Variants in LRRFIP1 observed in about 807,000 individuals in gnomAD.
LRRFIP1 encodes the protein leucine-rich repeat flightless-interacting protein 1.
Under a neutral mutation model 104.4 loss-of-function variants are expected in LRRFIP1, and 62 were observed. That is an observed-to-expected ratio of 0.59 (90% CI 0.48 to 0.73). LRRFIP1 has a LOEUF of 0.73. Among genes scored for constraint, LRRFIP1 ranks in the 30% least tolerant of loss-of-function variants. The probability of loss-of-function intolerance (pLI) is 0.00; values close to 1 mark genes in which losing one functional copy is unlikely to be tolerated. For missense variants in LRRFIP1, 796 were observed against 824.5 expected, an observed-to-expected ratio of 0.97 and a Z score of 0.42; for synonymous variants, 300 against 299.0, an observed-to-expected ratio of 1.00 and a Z score of -0.03.
intron 7 of LRRFIP1, among the ~76,000 whole-genome samples, chr2:237,725,104 C>G (rs1463525651): frequency 6.6e-6 from 1 of 152,216 alleles, no homozygotes; most frequent in African/African-American, 2.4e-5. Context: ...ACCCTTGTAT[C>G]TTATTTATCC....
At position 237,711,398 on chromosome 2, in the gene LRRFIP1, C is replaced by T. The variant is rs895604147; in HGVS notation, c.183+2768C>T. ...AAGATATCTCGCCCTGTTGCAAATT[C>T]GGCGGAACATCCGCCACTGAGAGCG... On this transcript the variant is annotated intron_variant, in intron 2 of 23. Transcript: ENST00000308482. The surrounding 1 kb of genome is among the most constrained non-coding windows in gnomAD (Gnocchi z 4.4). 4.6e-5 allele frequency among the ~76,000 whole-genome samples: 7 copies of T among 152,234 alleles called. No homozygotes were observed. Among genetic ancestry groups the T allele is most frequent in the African/African-American group, 7.2e-5 (3 of 41,452 alleles).
In LRRFIP1 at chr2:237,672,368, G is replaced by A. The variant is rs560585403; in HGVS notation, c.97-36176G>A. Among the ~76,000 whole-genome samples, 8 of 152,242 alleles carry A rather than the reference G, an allele frequency of 5.3e-5. 1 individual carries two copies. The highest frequency in any genetic ancestry group is 1.9e-4 in the East Asian group (1 of 5,184). On this transcript the variant is annotated intron_variant, in intron 1 of 23. Transcript: ENST00000308482. ...ACAATCACTTTAGAGAGTGAGGATC[G>A]ATGCCCCAGCTTCTTGTTTTCTTAG...
intron 1 of LRRFIP1, among the ~76,000 whole-genome samples, chr2:237,681,420 A>T (rs1433338832): frequency 1.3e-5 from 2 of 151,212 alleles, no homozygotes; most frequent in African/African-American, 2.4e-5. Context: ...AGGCTGGAGT[A>T]CAGTGGTGTG....
At chr2:237,747,254 T>A (rs1180564014) in intron 11 of LRRFIP1, among the ~76,000 whole-genome samples, 1 of 152,208 alleles carries the variant, frequency 6.6e-6, no homozygotes, top group African/African-American at 2.4e-5. Flanking sequence ...AACTCCTGGT[T>A]ATGTTGTTTT....
chr2:237,736,281 A>T lies in LRRFIP1; in HGVS notation c.555+948A>T, dbSNP rs180824411. ...TTTGTCGACAACTGATTACACATTTATCAACTTTTATATTACATAAGTTGT... is the reference window on the plus strand; with the variant it reads ...TTTGTCGACAACTGATTACACATTTTTCAACTTTTATATTACATAAGTTGT... On this transcript the variant is annotated intron_variant, in intron 10 of 23. Transcript: ENST00000308482. Among the ~76,000 whole-genome samples the T allele has an allele frequency of 1.4e-4, 21 of 152,360 alleles. No homozygotes were observed. In the East Asian group the frequency reaches 3.9e-3, roughly 28 times the overall value.
At chr2:237,743,562 C>T (rs1230185068) in intron 11 of LRRFIP1, among the ~76,000 whole-genome samples, 1 of 152,150 alleles carries the variant, frequency 6.6e-6, no homozygotes, top group Non-Finnish European at 1.5e-5. Context: ...TTCTTCCTCT[C>T]CAGCACGACC....
At chr2:237,646,037 C>T (rs1385997065) in intron 1 of LRRFIP1, among the ~76,000 whole-genome samples, 3 of 151,854 alleles carry the variant, frequency 2.0e-5, no homozygotes, top group East Asian at 1.9e-4. Context: ...CAACAGAGCC[C>T]GTGGTAGCAG....
chr2:237,760,071 G>T lies in LRRFIP1; in HGVS notation c.1325G>T (p.Gly442Val). ...GCCTATTTTTGTTCCCAGAAACATG[G>T]AATAATCCTAAATTCAGAAATAGCT... ...VMLKEELKKH[G>V]IILNSEIATN... The change falls in exon 19 of 24, where the codon GGA (glycine) becomes GTA (valine). Residue 442 changes from glycine (G) to valine (V), a missense_variant. Transcript: ENST00000308482. 6.2e-7 allele frequency: 1 copy of T among 1,613,532 alleles called. No homozygotes were observed. The highest frequency in any genetic ancestry group is 8.5e-7 in the Non-Finnish European group (1 of 1,179,532).
At chr2:237,629,850 C>T (rs2082102677) in intron 1 of LRRFIP1, among the ~76,000 whole-genome samples, 1 of 152,172 alleles carries the variant, frequency 6.6e-6, no homozygotes, top group African/African-American at 2.4e-5. Context: ...GAGGTCCTCC[C>T]TCCCACCGAG....
At chr2:237,708,747 T>TCAGAGTG in intron 2 of LRRFIP1, 117 bp downstream of exon 2, 4 of 1,174,368 alleles carry the variant, frequency 3.4e-6, no homozygotes, top group Non-Finnish European at 5.0e-6. Flanking sequence ...TTGCTCACGG[T>TCAGAGTG]CAGAGTGCGT....
intron 13 of LRRFIP1, among the ~76,000 whole-genome samples, chr2:237,749,934 A>G (rs553757999): frequency 3.9e-5 from 6 of 152,326 alleles, no homozygotes; most frequent in African/African-American, 1.2e-4. Context: ...TAAAGTAACT[A>G]GGGACAGTGC....
chr2:237,777,753 C>T (rs2061212224), intron 23 of LRRFIP1, among the ~76,000 whole-genome samples: 1 of 152,130 alleles, frequency 6.6e-6, no homozygotes, highest in Non-Finnish European at 1.5e-5. Context: ...AAATATTCAA[C>T]CATTAACTCC....
intron 23 of LRRFIP1, among the ~76,000 whole-genome samples, chr2:237,776,018 G>T (rs1421870888): frequency 2.0e-5 from 3 of 151,896 alleles, no homozygotes; most frequent in Non-Finnish European, 2.9e-5. Context: ...AGGCTGGAGT[G>T]CAATGGCGCC....
At chr2:237,660,576 C>G (rs919759316) in intron 1 of LRRFIP1, among the ~76,000 whole-genome samples, 2 of 152,202 alleles carry the variant, frequency 1.3e-5, no homozygotes, top group South Asian at 4.1e-4. Context: ...GGAAGTTCTA[C>G]CTCTGGGAAT....
chr2:237,763,602 C>G, intron 19 of LRRFIP1: 2 of 1,613,456 alleles, frequency 1.2e-6, no homozygotes, highest in South Asian at 1.1e-5. Flanking sequence ...ACTGAAAATC[C>G]AAAACAGAAA....
At chr2:237,650,141 AG>A (rs138141210) in intron 1 of LRRFIP1, among the ~76,000 whole-genome samples, 10,197 of 152,058 alleles carry the variant, frequency 0.067, 550 homozygotes, top group East Asian at 0.21. Context: ...AGGAACAAGA[AG>A]GGCAAGTGGG....
chr2:237,691,890 T>C lies in LRRFIP1; in HGVS notation c.97-16654T>C, dbSNP rs1444900516. Among the ~76,000 whole-genome samples the C allele has an allele frequency of 6.7e-6, 1 of 149,720 alleles. No homozygotes were observed. The highest frequency in any genetic ancestry group is 1.5e-5 in the Non-Finnish European group (1 of 67,188). On this transcript the variant is annotated intron_variant, in intron 1 of 23. Coordinates refer to ENST00000308482, the MANE Select transcript of LRRFIP1 (RefSeq NM_001137550.2). This position sits in a 1 kb window ranked among gnomAD's most constrained non-coding sequence, Gnocchi z 5.4. The stretch of plus-strand genomic sequence containing the variant: ...GGGCGGGGCAGGACCAGGAAGATCC[T>C]TCCGAGACGGAGCGCGGGGGGCGGG...
chr2:237,661,605 C>T lies in LRRFIP1; in HGVS notation c.96+33865C>T, dbSNP rs1477590033. 4.6e-5 allele frequency among the ~76,000 whole-genome samples: 7 copies of T among 152,340 alleles called. No homozygotes were observed. The highest frequency in any genetic ancestry group is 1.4e-4 in the African/African-American group (6 of 41,580). On this transcript the variant is annotated intron_variant, in intron 1 of 23. Transcript: ENST00000308482. This position sits in a 1 kb window ranked among gnomAD's most constrained non-coding sequence, Gnocchi z 4.4. ...TCCTCATCCATGAAACCATCCTTGT[C>T]CTCACTGTCGATGGAATTTTTCAGT...
chr2:237,659,765 C>T (rs902780810), intron 1 of LRRFIP1, among the ~76,000 whole-genome samples: 1 of 152,058 alleles, frequency 6.6e-6, no homozygotes, highest in South Asian at 2.1e-4. Flanking sequence ...CTCAGCTTCC[C>T]AAGTAGCTGG....
Sources: gnomAD v4.1 joint callset for allele counts (sites outside exome capture counted in the v4.1 genomes callset) on GRCh38, gnomAD v4.1.1 for gene constraint, Gnocchi (gnomAD v3.1) non-coding constraint, MANE v1.5 for transcripts, NCBI Gene and HGNC (gene_info 2026-07-23, HGNC 2026-07-21) for gene names.